Variants in C9orf85 observed in about 807,000 individuals in gnomAD.
C9orf85 encodes the protein chromosome 9 open reading frame 85.
A neutral mutation model predicts 14.9 loss-of-function variants in C9orf85; 16 were observed. That is an observed-to-expected ratio of 1.08 (90% CI 0.73 to 1.63). The LOEUF is 1.63. C9orf85 is among the 40% of genes most tolerant of loss of function. C9orf85 has a pLI of 0.00. For missense variants in C9orf85, 172 were observed against 186.1 expected (o/e 0.92, Z 0.44); for synonymous variants, 45 against 56.8 (o/e 0.79, Z 0.93).
At chr9:71,942,159 A>G (rs963641142) in intron 1 of C9orf85, among the ~76,000 whole-genome samples, 1 of 152,208 alleles carries the variant, frequency 6.6e-6, no homozygotes, top group Non-Finnish European at 1.5e-5. Context: ...ACACCTAAGA[A>G]TAACTGTATT....
At chr9:71,964,820 A>T (rs1446674396) in intron 2 of C9orf85, among the ~76,000 whole-genome samples, 1 of 152,216 alleles carries the variant, frequency 6.6e-6, no homozygotes, top group East Asian at 1.9e-4. Flanking sequence ...GGTGAGTGTT[A>T]TAGCTCTACT....
chr9:71,969,798 G>A (rs1420298493), intron 2 of C9orf85, among the ~76,000 whole-genome samples: 1 of 151,642 alleles, frequency 6.6e-6, no homozygotes, highest in Non-Finnish European at 1.5e-5. Flanking sequence ...TTTTCTTTTT[G>A]TGTGTGTGAA....
At chr9:71,978,128 G>T (rs1341940756), downstream of C9orf85, among the ~76,000 whole-genome samples, 2 of 151,966 alleles carry the variant, frequency 1.3e-5, no homozygotes, top group Non-Finnish European at 2.9e-5. Flanking sequence ...TTAATTTTTT[G>T]AGACGGAGTC....
chr9:71,933,863 C>CT (rs889855146), intron 1 of C9orf85, among the ~76,000 whole-genome samples: 4 of 150,610 alleles, frequency 2.7e-5, no homozygotes, highest in South Asian at 2.1e-4. Context: ...CCAGAGCTAA[C>CT]TTTTTTTTTT....
downstream of C9orf85, among the ~76,000 whole-genome samples, chr9:71,974,170 A>ACCTG (rs1822960279): frequency 6.6e-6 from 1 of 150,808 alleles, no homozygotes; most frequent in Admixed American, 6.6e-5. Context: ...CAGGTGATCC[A>ACCTG]CCTGCCTCGG....
chr9:71,980,819 C>A (rs1823084525), intron 3 of C9orf85, among the ~76,000 whole-genome samples: 1 of 152,182 alleles, frequency 6.6e-6, no homozygotes, highest in Non-Finnish European at 1.5e-5. Context: ...TGGCTGCCAG[C>A]TGACACAAGG....
intron 2 of C9orf85, among the ~76,000 whole-genome samples, chr9:71,965,473 A>G (rs951958287): frequency 2.0e-5 from 3 of 152,184 alleles, no homozygotes; most frequent in Non-Finnish European, 1.5e-5. Context: ...CAAGGTCTCC[A>G]GTTTCCCAAA....
At chr9:71,975,994 T>A (rs868349468), downstream of C9orf85, among the ~76,000 whole-genome samples, 3 of 152,234 alleles carry the variant, frequency 2.0e-5, no homozygotes, top group African/African-American at 4.8e-5. Context: ...ATTCCTCAGA[T>A]GACTTTACCA....
At chr9:71,924,239 T>C (rs147535368) in intron 1 of C9orf85, among the ~76,000 whole-genome samples, 1,669 of 152,356 alleles carry the variant, frequency 0.011, 13 homozygotes, top group Non-Finnish European at 0.018. Flanking sequence ...ACCTTAGTCC[T>C]AATTCTTTTC....
At chr9:71,946,965 A>C in intron 1 of C9orf85, 41 bp from the exon 2 acceptor site, 10 of 1,402,448 alleles carry the variant, frequency 7.1e-6, no homozygotes, top group Non-Finnish European at 1.0e-5. Flanking sequence ...ATGCTGGCTC[A>C]CGCGTGAAAT....
downstream of C9orf85, among the ~76,000 whole-genome samples, chr9:71,976,538 T>C (rs1019478610): frequency 1.3e-5 from 2 of 151,798 alleles, no homozygotes; most frequent in Admixed American, 1.3e-4. Flanking sequence ...GGCGGGCGCC[T>C]GTAGTCCCAG....
At chr9:71,949,104 C>T (rs1024211927) in intron 2 of C9orf85, among the ~76,000 whole-genome samples, 16 of 152,104 alleles carry the variant, frequency 1.1e-4, no homozygotes, top group African/African-American at 3.6e-4. Flanking sequence ...TGAATATTTT[C>T]AACAAGTTTT....
chr9:71,912,081 C>G (rs1160951094), intron 1 of C9orf85: 4 of 506,538 alleles, frequency 7.9e-6, no homozygotes, highest in Non-Finnish European at 1.5e-5. Flanking sequence ...GAACAGGACC[C>G]TAATGAAATC....
chr9:71,920,956 G>C (rs1288123131), intron 1 of C9orf85, among the ~76,000 whole-genome samples: 1 of 152,092 alleles, frequency 6.6e-6, no homozygotes, highest in Non-Finnish European at 1.5e-5. Context: ...ATGGGAAGTG[G>C]GGAACAGGTC....
chr9:71,931,193 C>G (rs553479103), intron 1 of C9orf85, among the ~76,000 whole-genome samples: 56 of 152,282 alleles, frequency 3.7e-4, no homozygotes, highest in African/African-American at 1.3e-3. Context: ...AAAATTACAT[C>G]TGGGGGTGAT....
At chr9:71,932,891 A>AT (rs1443345891) in intron 1 of C9orf85, among the ~76,000 whole-genome samples, 14 of 152,292 alleles carry the variant, frequency 9.2e-5, no homozygotes, top group African/African-American at 3.1e-4. Flanking sequence ...AAAATGATAT[A>AT]TGAATAAAAT....
intron 1 of C9orf85, among the ~76,000 whole-genome samples, chr9:71,922,852 AGGCGTCAT>A (rs941233137): frequency 6.2e-4 from 94 of 152,342 alleles, no homozygotes; most frequent in African/African-American, 2.2e-3. Flanking sequence ...AGACTGGGCC[AGGCGTCAT>A]GGCTCACGCC....
chr9:71,978,724 A>T (rs1202453809), intron 3 of C9orf85, among the ~76,000 whole-genome samples: 1 of 152,152 alleles, frequency 6.6e-6, no homozygotes, highest in East Asian at 1.9e-4. Context: ...ACAGAAACAT[A>T]AAATTCAGCA....
At position 71,967,441 on chromosome 9, in the gene C9orf85, G is replaced by C. The variant is rs553219336; in HGVS notation, c.210-4064G>C. The stretch of plus-strand genomic sequence containing the variant: ...GTGATAAGTCTTGAAATCACATAGT[G>C]AGAATTCTCCAACCTCATTTTTCAT... On this transcript the variant is annotated intron_variant, in intron 2 of 3. Transcript: ENST00000334731. 2.0e-5 allele frequency among the ~76,000 whole-genome samples: 3 copies of C among 152,246 alleles called. No homozygotes were observed. The South Asian group carries it at 6.2e-4, about 31-fold the overall frequency.
Sources: allele counts gnomAD v4.1 joint callset (sites outside exome capture counted in the v4.1 genomes callset), GRCh38; gene constraint gnomAD v4.1.1; transcripts MANE v1.5; gene names NCBI Gene and HGNC (gene_info 2026-07-23, HGNC 2026-07-21).